ATP9B: variants seen among roughly 807,000 people sequenced by gnomAD.
ATP9B encodes the protein ATPase phospholipid transporting 9B, also known as probable phospholipid-transporting ATPase IIB.
ATP9B carries 110 observed loss-of-function variants against 146.1 expected under a neutral mutation model. The ratio of observed to expected loss-of-function variants is 0.75; its 90% CI spans 0.65 to 0.88. The LOEUF is 0.88. ATP9B is among the 40% of genes least tolerant of loss of function. ATP9B has a pLI of 0.00. For synonymous variants in ATP9B, 604 were observed against 569.7 expected, an observed-to-expected ratio of 1.06 and a Z score of -0.86; for missense variants, 1,499 against 1,496.4, an observed-to-expected ratio of 1.00 and a Z score of -0.03.
chr18:79,221,176 G>A (rs1394286699), intron 11 of ATP9B, among the ~76,000 whole-genome samples: 3 of 152,162 alleles, frequency 2.0e-5, no homozygotes, highest in Non-Finnish European at 4.4e-5. Flanking sequence ...TGTTAACCAT[G>A]TGCAAGTCCC....
chr18:79,075,746 G>T (rs912595698), intron 1 of ATP9B, among the ~76,000 whole-genome samples: 1 of 151,770 alleles, frequency 6.6e-6, no homozygotes, highest in Admixed American at 6.6e-5. Context: ...TTTACCCACC[G>T]CCATTGTCTG....
At chr18:79,105,460 A>G (rs1377519812) in intron 2 of ATP9B, among the ~76,000 whole-genome samples, 1 of 152,202 alleles carries the variant, frequency 6.6e-6, no homozygotes. Flanking sequence ...TAAAATTATT[A>G]TTAAAAGACT....
rs2096957163 is a variant in ATP9B, at chr18:79,356,830, AGGGATGCTCTGGGTCTGGAGGTGTCC to A, written c.2904-2522_2904-2497del. 9.5e-5 allele frequency among the ~76,000 whole-genome samples: 7 copies of A among 74,066 alleles called. No homozygotes were observed. The South Asian group carries it at 2.3e-3, about 24-fold the overall frequency. The allele number at this position is 74,066 out of a possible 152,430, so 48.6% of individuals were successfully genotyped here. On this transcript the variant is annotated intron_variant, in intron 25 of 29. Coordinates refer to ENST00000426216, the MANE Select transcript of ATP9B (RefSeq NM_198531.5). ...CTCTGGGTCTGGAGGTGTCTGTGTGAGGGATGCTCTGGGTCTGGAGGTGTCCGTGTGAGGGACCCTGTGTGAGGGAT... is the reference window on the plus strand; with the variant it reads ...CTCTGGGTCTGGAGGTGTCTGTGTGAGTGTGAGGGACCCTGTGTGAGGGAT...
At chr18:79,306,615 G>C (rs992628271) in intron 14 of ATP9B, among the ~76,000 whole-genome samples, 1 of 152,220 alleles carries the variant, frequency 6.6e-6, no homozygotes, top group Non-Finnish European at 1.5e-5. Context: ...GAAAGCAGTT[G>C]TGAGTATACC....
intron 13 of ATP9B, among the ~76,000 whole-genome samples, chr18:79,285,597 G>A (rs2145955675): frequency 6.6e-6 from 1 of 151,358 alleles, no homozygotes; most frequent in East Asian, 1.9e-4. Context: ...AGTTTCTTTT[G>A]CTCTGCAGAA....
intron 16 of ATP9B, 127 bp downstream of exon 16, chr18:79,329,429 TG>T (rs1404604677): frequency 2.1e-5 from 24 of 1,137,528 alleles, no homozygotes; most frequent in African/African-American, 1.3e-4. Context: ...CAGTTTTGTT[TG>T]TTTTTTTTTT....
intron 18 of ATP9B, 26 bp from the exon 19 acceptor site, chr18:79,337,253 A>T (rs773152357): frequency 3.7e-6 from 6 of 1,613,144 alleles, no homozygotes; most frequent in Non-Finnish European, 5.1e-6. Context: ...ACGTGTGCAC[A>T]CAGGCGCCTC....
chr18:79,213,929 A>G (rs1031555228), intron 10 of ATP9B, 33 bp from the exon 11 acceptor site: 3 of 1,498,644 alleles, frequency 2.0e-6, no homozygotes, highest in Non-Finnish European at 2.7e-6. Context: ...TCTTTAAAGT[A>G]TTTCTACAAG....
intron 7 of ATP9B, among the ~76,000 whole-genome samples, chr18:79,157,405 A>AAACAAAAAAAC (rs1555714762): frequency 8.0e-6 from 1 of 124,598 alleles, no homozygotes; most frequent in Non-Finnish European, 1.7e-5. Flanking sequence ...TCAAAAAAAA[A>AAACAAAAAAAC]AAAAAAAAAA....
intron 11 of ATP9B, among the ~76,000 whole-genome samples, chr18:79,236,473 CTTT>C: frequency 6.7e-6 from 1 of 148,572 alleles, no homozygotes; most frequent in South Asian, 2.1e-4. Flanking sequence ...GTTTATCAAC[CTTT>C]TTTTTTTATG....
intron 13 of ATP9B, among the ~76,000 whole-genome samples, chr18:79,288,461 T>G (rs1040680821): frequency 1.3e-5 from 2 of 152,174 alleles, no homozygotes; most frequent in African/African-American, 4.8e-5. Context: ...GTTTTCCATT[T>G]GCTTGGTAGA....
In ATP9B at chr18:79,069,401, C is replaced by T. The variant is rs1185832970; in HGVS notation, c.-10C>T. ...GAAAGTGGGAGGGGCGGGAAAGGGG[C>T]GGTCGGAACATGGCGGACCAGATCC... On this transcript the variant is annotated 5_prime_UTR_variant, in exon 1 of 30. Transcript: ENST00000426216. 4 of 1,488,142 alleles carry T rather than the reference C, an allele frequency of 2.7e-6. No individual in the cohort carries two copies. The highest frequency in any genetic ancestry group is 3.6e-6 in the Non-Finnish European group (4 of 1,118,598). 92.2% of individuals were successfully genotyped at this position (1,488,142 alleles called of 1,614,324 possible).
At chr18:79,234,768 G>C (rs11486495) in intron 11 of ATP9B, among the ~76,000 whole-genome samples, 10,212 of 152,290 alleles carry the variant, frequency 0.067, 412 homozygotes, top group Non-Finnish European at 0.091. Context: ...GGCTTAGGGA[G>C]ATAATCAACG....
chr18:79,156,598 A>G (rs2094785973), intron 7 of ATP9B, among the ~76,000 whole-genome samples: 1 of 152,122 alleles, frequency 6.6e-6, no homozygotes, highest in African/African-American at 2.4e-5. Flanking sequence ...ATCTTTTATG[A>G]TAGCTGGTGT....
Position 79,126,364 on chromosome 18 carries a change from T to C in ATP9B, c.656T>C (p.Leu219Pro). 3.1e-6 allele frequency: 5 copies of C among 1,609,678 alleles called. No individual in the cohort carries two copies. The highest frequency in any genetic ancestry group is 4.2e-6 in the Non-Finnish European group (5 of 1,177,092). Residue 219 changes from leucine (L) to proline (P), a missense_variant, in exon 5 of 30, where the codon CTT (leucine) becomes CCT (proline). By Grantham distance (98) the Leu-to-Pro change is moderately conservative. Coordinates refer to ENST00000426216, the MANE Select transcript of ATP9B (RefSeq NM_198531.5). ...KEVNSQLYSK[L>P]TVRGKVQVKS... ...GTGAATTCACAACTATATAGCAAGCTTACAGTAAGAGGTCAGCAAGATGCT... is the reference window on the plus strand; with the variant it reads ...GTGAATTCACAACTATATAGCAAGCCTACAGTAAGAGGTCAGCAAGATGCT...
intron 15 of ATP9B, among the ~76,000 whole-genome samples, chr18:79,325,254 G>T (rs2096737924): frequency 6.6e-6 from 1 of 152,156 alleles, no homozygotes; most frequent in Non-Finnish European, 1.5e-5. Flanking sequence ...AACTTGAGTT[G>T]AGAAAAGGTG....
In ATP9B at chr18:79,277,037, T is replaced by C. The variant is rs771096426; in HGVS notation, c.1269-17T>C. ...CTCTGGATCACACTAACCACTGCAATGGGTTTTATTTGGCAGTTTGCGTGT... is the reference window on the plus strand; with the variant it reads ...CTCTGGATCACACTAACCACTGCAACGGGTTTTATTTGGCAGTTTGCGTGT... On this transcript the variant is annotated splice_polypyrimidine_tract_variant and intron_variant, in intron 12 of 29. Transcript: ENST00000426216. The C allele has an allele frequency of 9.3e-6, 15 of 1,613,882 alleles. No individual in the cohort carries two copies. Among genetic ancestry groups the C allele is most frequent in the Non-Finnish European group, 1.2e-5 (14 of 1,179,896 alleles).
At chr18:79,091,783 T>C (rs2074341381) in intron 1 of ATP9B, among the ~76,000 whole-genome samples, 1 of 152,222 alleles carries the variant, frequency 6.6e-6, no homozygotes, top group South Asian at 2.1e-4. Flanking sequence ...TCTTGTCCGA[T>C]AGCTCTAGCT....
At chr18:79,100,407 G>T (rs943114045) in intron 2 of ATP9B, among the ~76,000 whole-genome samples, 3 of 152,054 alleles carry the variant, frequency 2.0e-5, no homozygotes, top group African/African-American at 7.2e-5. Context: ...TAATTTTGGA[G>T]TGTGTTATTA....
Sources: allele counts gnomAD v4.1 joint callset (sites outside exome capture counted in the v4.1 genomes callset), GRCh38; gene constraint gnomAD v4.1.1; transcripts MANE v1.5; gene names NCBI Gene and HGNC (gene_info 2026-07-23, HGNC 2026-07-21).